NKD1: variants seen among roughly 807,000 people sequenced by gnomAD.
NKD1 encodes the protein NKD inhibitor of Wnt signaling pathway 1.
NKD1 carries 21 observed loss-of-function variants against 56.0 expected under a neutral mutation model. The ratio of observed to expected loss-of-function variants is 0.38; its 90% CI spans 0.27 to 0.54. The LOEUF (loss-of-function observed/expected upper bound fraction) is 0.54, where lower values mean the gene tolerates loss of function less well. Ranked by LOEUF, NKD1 falls within the 20% of genes least tolerant of loss-of-function variation. The probability of loss-of-function intolerance (pLI) is 0.82; values close to 1 mark genes in which losing one functional copy is unlikely to be tolerated. For missense variants in NKD1, 578 were observed against 642.7 expected (o/e 0.90, Z 1.09); for synonymous variants, 263 against 265.7 (o/e 0.99, Z 0.10).
At position 50,643,983 on chromosome 16, in the gene NKD1, G is replaced by A. The variant is rs2151283999; in HGVS notation, c.*10202G>A. The A allele has an allele frequency of 6.6e-6, 1 of 152,364 alleles. No individual in the cohort carries two copies. The highest frequency in any genetic ancestry group is 1.5e-5 in the Non-Finnish European group (1 of 68,042). The allele number at this position is 152,364 out of a possible 1,614,324, so 9.4% of individuals were successfully genotyped here. A position where few individuals can be genotyped will look rare whatever the true frequency, so the allele number is the denominator to read the frequency against. On this transcript the variant is annotated 3_prime_UTR_variant, in exon 10 of 10. Coordinates refer to ENST00000268459, the MANE Select transcript of NKD1 (RefSeq NM_033119.5). ...AACACAAAGCACAAACATGCACAAAGCATGATGCTAAACAGACTGTGAGAA... is the reference window on the plus strand; with the variant it reads ...AACACAAAGCACAAACATGCACAAAACATGATGCTAAACAGACTGTGAGAA...
chr16:50,567,021 T>C (rs1379069834), intron 3 of NKD1, among the ~76,000 whole-genome samples: 1 of 150,304 alleles, frequency 6.7e-6, no homozygotes, highest in Non-Finnish European at 1.5e-5. Flanking sequence ...CCCCTTTTTT[T>C]TTAAGACTTA....
chr16:50,627,517 G>A (rs1962249468), intron 6 of NKD1, among the ~76,000 whole-genome samples: 1 of 152,158 alleles, frequency 6.6e-6, no homozygotes, highest in African/African-American at 2.4e-5. Context: ...GGGAGGACTG[G>A]TCTGGTGTTT....
intron 3 of NKD1, among the ~76,000 whole-genome samples, chr16:50,603,500 A>T (rs921024136): frequency 6.6e-6 from 1 of 152,242 alleles, no homozygotes. Context: ...TCCCCGGCAC[A>T]TCCCAACCCT....
At chr16:50,607,919 C>T (rs1020033509) in intron 3 of NKD1, 3 of 223,070 alleles carry the variant, frequency 1.3e-5, no homozygotes, top group African/African-American at 6.7e-5. Context: ...AACTTGACAT[C>T]TCCTGGTCAG....
chr16:50,623,751 G>T lies in NKD1; in HGVS notation c.367-1734G>T, dbSNP rs182164694. ...TGTGTGTGTGTGTGTGTGTGTGTGT[G>T]TGTGTGTGTGTGTACACAGGTATGT... On this transcript the variant is annotated intron_variant, in intron 5 of 9. Coordinates refer to ENST00000268459, the MANE Select transcript of NKD1 (RefSeq NM_033119.5). This position sits in a 1 kb window ranked among gnomAD's most constrained non-coding sequence, Gnocchi z 4.1. Among the ~76,000 whole-genome samples the T allele has an allele frequency of 1.3e-5, 2 of 151,948 alleles. No homozygotes were observed. The highest frequency in any genetic ancestry group is 2.9e-5 in the Non-Finnish European group (2 of 67,990).
rs1962534753 is a variant in NKD1 at position 50,639,386 on chromosome 16, C to T, written c.*5605C>T. The T allele has an allele frequency of 6.6e-6, 1 of 152,176 alleles. No individual in the cohort carries two copies. The highest frequency in any genetic ancestry group is 1.5e-5 in the Non-Finnish European group (1 of 68,056). The allele number at this position is 152,176 out of a possible 1,614,324, so 9.4% of individuals were successfully genotyped here. A position where few individuals can be genotyped will look rare whatever the true frequency, so the allele number is the denominator to read the frequency against. ...AGGGATCAGTGTTTTTCACAAGCTC[C>T]ATACCTCCAGGAAATGGTGTTGTGG... On this transcript the variant is annotated 3_prime_UTR_variant, in exon 10 of 10. Coordinates refer to ENST00000268459, the MANE Select transcript of NKD1 (RefSeq NM_033119.5).
At position 50,633,585 on chromosome 16, in the gene NKD1, C is replaced by G; in HGVS notation, c.1217C>G (p.Ala406Gly). 6.2e-7 allele frequency: 1 copy of G among 1,611,578 alleles called. No individual in the cohort carries two copies. Among genetic ancestry groups the G allele is most frequent in the South Asian group, 1.1e-5 (1 of 90,952 alleles). ...PLGHKKHKHRAKESQQGCRGL... is the reference protein window; with the variant it reads ...PLGHKKHKHRGKESQQGCRGL... ...GGGCACAAGAAGCACAAGCACCGAGCCAAGGAGAGCCAGCAGGGCTGCCGG... is the reference window on the plus strand; with the variant it reads ...GGGCACAAGAAGCACAAGCACCGAGGCAAGGAGAGCCAGCAGGGCTGCCGG... Residue 406 changes from alanine (A) to glycine (G), a missense_variant, in exon 10 of 10, where the codon GCC (alanine) becomes GGC (glycine). Physicochemically the swap from Ala to Gly is moderately conservative, Grantham distance 60 (BLOSUM62 0). Transcript: ENST00000268459. The surrounding 1 kb of genome is among the most constrained non-coding windows in gnomAD (Gnocchi z 4.9).
intron 3 of NKD1, among the ~76,000 whole-genome samples, chr16:50,585,477 A>G (rs1961207987): frequency 6.6e-6 from 1 of 152,198 alleles, no homozygotes; most frequent in African/African-American, 2.4e-5. Context: ...GCCTTGGAAG[A>G]ATCTGAGTGC....
Position 50,598,637 on chromosome 16 carries a change from T to A in NKD1, c.193-9657T>A, listed in dbSNP as rs1315570616. 6.6e-6 allele frequency among the ~76,000 whole-genome samples: 1 copy of A among 152,170 alleles called. No homozygotes were observed. The highest frequency in any genetic ancestry group is 1.5e-5 in the Non-Finnish European group (1 of 68,034). On this transcript the variant is annotated intron_variant, in intron 3 of 9. Coordinates refer to ENST00000268459, the MANE Select transcript of NKD1 (RefSeq NM_033119.5). The surrounding 1 kb of genome is among the most constrained non-coding windows in gnomAD (Gnocchi z 4.2). ...CCCAGGGCCAGGAACTGCTGGCAGA[T>A]GCCGCCCCAGCTGCTTGGTGATCAG...
chr16:50,550,354 AT>A (rs34062153), intron 3 of NKD1, among the ~76,000 whole-genome samples: 1,083 of 143,088 alleles, frequency 7.6e-3, no homozygotes, highest in Middle Eastern at 0.015. Flanking sequence ...GTGACATTTA[AT>A]TTTTTTTTTT....
chr16:50,596,601 T>C (rs1034035525), intron 3 of NKD1, among the ~76,000 whole-genome samples: 3 of 152,378 alleles, frequency 2.0e-5, no homozygotes, highest in African/African-American at 7.2e-5. Flanking sequence ...TGGCAACTAC[T>C]TTTTTCTTTC....
At chr16:50,599,238 A>G (rs1244590898) in intron 3 of NKD1, among the ~76,000 whole-genome samples, 1 of 152,148 alleles carries the variant, frequency 6.6e-6, no homozygotes, top group Non-Finnish European at 1.5e-5. Flanking sequence ...AGGAGGTGAC[A>G]GCTGTGACTT....
Position 50,637,431 on chromosome 16 carries a change from G to A in NKD1, c.*3650G>A, listed in dbSNP as rs1305905295. 1 of 152,148 alleles carries A rather than the reference G, an allele frequency of 6.6e-6. No homozygotes were observed. The highest frequency in any genetic ancestry group is 2.4e-5 in the African/African-American group (1 of 41,408). 9.4% of individuals were successfully genotyped at this position (152,148 alleles called of 1,614,324 possible). On this transcript the variant is annotated 3_prime_UTR_variant, in exon 10 of 10. Transcript: ENST00000268459. ...AAAATACAAAAAATTAGCTGGGCAT[G>A]GTGGTGCGTGCCTGTAATCTCAGCT...
chr16:50,595,851 G>A (rs1351934430), intron 3 of NKD1, among the ~76,000 whole-genome samples: 1 of 152,174 alleles, frequency 6.6e-6, no homozygotes, highest in Non-Finnish European at 1.5e-5. Flanking sequence ...CCCCTGATGT[G>A]GGCTGTTGAC....
intron 3 of NKD1, among the ~76,000 whole-genome samples, chr16:50,595,924 G>GT (rs1383987461): frequency 6.6e-6 from 1 of 152,200 alleles, no homozygotes; most frequent in East Asian, 1.9e-4. Context: ...GAGATCTTTG[G>GT]TTGCCTGAGA....
chr16:50,548,898 G>A, intron 2 of NKD1, 149 bp downstream of exon 2: 2 of 1,151,848 alleles, frequency 1.7e-6, no homozygotes, highest in Non-Finnish European at 2.2e-6. Context: ...TCCCTGAGCA[G>A]CCTTCGCGCC....
chr16:50,574,953 T>G (rs983747454), intron 3 of NKD1: 1 of 985,024 alleles, frequency 1.0e-6, no homozygotes, highest in African/African-American at 1.8e-5. Flanking sequence ...AACATCAGAA[T>G]TGGCTTAGGG....
intron 6 of NKD1, 27 bp from the exon 7 acceptor site, chr16:50,630,159 A>AT (rs1473754896): frequency 6.2e-7 from 1 of 1,611,218 alleles, no homozygotes; most frequent in Non-Finnish European, 8.5e-7. Context: ...GAAACCCTGC[A>AT]TGGGTCTCCG....
At chr16:50,577,595 A>C (rs148786243) in intron 3 of NKD1, among the ~76,000 whole-genome samples, 1 of 152,198 alleles carries the variant, frequency 6.6e-6, no homozygotes, top group East Asian at 1.9e-4. Flanking sequence ...GATGCTGTGC[A>C]GTAGATCTCC....
Sources: allele counts gnomAD v4.1 joint callset (sites outside exome capture counted in the v4.1 genomes callset), GRCh38; gene constraint gnomAD v4.1.1; non-coding constraint Gnocchi (gnomAD v3.1); transcripts MANE v1.5; gene names NCBI Gene and HGNC (gene_info 2026-07-23, HGNC 2026-07-21).